SLC4A4: variants seen among roughly 807,000 people sequenced by gnomAD.
SLC4A4 encodes electrogenic sodium bicarbonate cotransporter 1.
In SLC4A4, 27 loss-of-function variants were observed where a neutral mutation model predicts 111.5. That is an observed-to-expected ratio of 0.24 (90% CI 0.18 to 0.33). The LOEUF (loss-of-function observed/expected upper bound fraction) is 0.33. Among genes scored for constraint, SLC4A4 ranks in the 10% least tolerant of loss-of-function variants. The probability of loss-of-function intolerance (pLI) is 1.00; values close to 1 mark genes in which losing one functional copy is unlikely to be tolerated. For synonymous variants in SLC4A4, 443 were observed against 463.4 expected, an observed-to-expected ratio of 0.96 and a Z score of 0.57; for missense variants, 909 against 1,315.5, an observed-to-expected ratio of 0.69 and a Z score of 4.78.
intron 19 of SLC4A4, 84 bp downstream of exon 19, chr4:71,546,612 G>T: frequency 8.9e-7 from 1 of 1,126,424 alleles, no homozygotes; most frequent in Non-Finnish European, 1.3e-6. Flanking sequence ...GGGCAGATTT[G>T]GAGGAGACAG....
At chr4:71,458,230 A>G (rs1057386583) in intron 12 of SLC4A4, among the ~76,000 whole-genome samples, 10 of 152,086 alleles carry the variant, frequency 6.6e-5, no homozygotes, top group African/African-American at 2.2e-4. Flanking sequence ...TACTGTCTGA[A>G]TGGAACCTAT....
chr4:71,282,573 C>T (rs1250104047), intron 3 of SLC4A4, among the ~76,000 whole-genome samples: 1 of 151,694 alleles, frequency 6.6e-6, no homozygotes, highest in Non-Finnish European at 1.5e-5. Flanking sequence ...GCATGAGCCA[C>T]GGCACCCAGC....
intron 1 of SLC4A4, among the ~76,000 whole-genome samples, chr4:71,200,946 T>C (rs914933990): frequency 6.6e-6 from 1 of 152,214 alleles, no homozygotes; most frequent in Non-Finnish European, 1.5e-5. Flanking sequence ...CTCAATAGGC[T>C]GTTGAGGTCG....
intron 1 of SLC4A4, among the ~76,000 whole-genome samples, chr4:71,089,790 G>A (rs1578468783): frequency 2.0e-5 from 3 of 152,002 alleles, no homozygotes; most frequent in Non-Finnish European, 4.4e-5. Flanking sequence ...GGCCATGTGA[G>A]GTGTCAGTCT....
chr4:71,280,587 A>G (rs1254141277), intron 3 of SLC4A4, among the ~76,000 whole-genome samples: 1 of 152,088 alleles, frequency 6.6e-6, no homozygotes, highest in African/African-American at 2.4e-5. Flanking sequence ...TAGGGGTCCA[A>G]TTTCATTCTT....
At chr4:71,209,130 A>T (rs536546584) in intron 1 of SLC4A4, among the ~76,000 whole-genome samples, 13 of 152,342 alleles carry the variant, frequency 8.5e-5, no homozygotes, top group African/African-American at 3.1e-4. Context: ...AAGTTACTTT[A>T]TATGACAAGG....
At chr4:71,484,757 A>AT (rs1350675137) in intron 14 of SLC4A4, among the ~76,000 whole-genome samples, 2 of 151,952 alleles carry the variant, frequency 1.3e-5, no homozygotes, top group African/African-American at 4.8e-5. Flanking sequence ...CATTATGGCC[A>AT]TTTTAACAAT....
intron 17 of SLC4A4, among the ~76,000 whole-genome samples, chr4:71,532,561 G>A (rs1029071486): frequency 2.0e-5 from 3 of 151,874 alleles, no homozygotes; most frequent in African/African-American, 7.2e-5. Flanking sequence ...GCTGGAGTGT[G>A]GTGGTGCAAT....
chr4:71,561,580 G>A (rs1009428383), intron 23 of SLC4A4, among the ~76,000 whole-genome samples: 4 of 151,760 alleles, frequency 2.6e-5, no homozygotes, highest in Non-Finnish European at 5.9e-5. Flanking sequence ...CTTAATGCAT[G>A]AGGCACATTT....
intron 1 of SLC4A4, among the ~76,000 whole-genome samples, chr4:71,194,923 C>A (rs926861997): frequency 1.3e-5 from 2 of 152,118 alleles, no homozygotes; most frequent in Admixed American, 6.5e-5. Flanking sequence ...ACAACATACA[C>A]CTTATATACA....
In SLC4A4 at chr4:71,180,180, C is replaced by T. The variant is rs868841085; in HGVS notation, c.-1-56396C>T. Among the ~76,000 whole-genome samples, 22 of 152,292 alleles carry T rather than the reference C, an allele frequency of 1.4e-4. No individual in the cohort carries two copies. The East Asian group carries it at 1.9e-3, about 13-fold the overall frequency. Reference sequence around the variant, plus strand: ...AAGCTGAAACAGGATCCCTTCCTTACACCTTATACAAAAATTAATTCAAGA... The same window carrying T: ...AAGCTGAAACAGGATCCCTTCCTTATACCTTATACAAAAATTAATTCAAGA... On this transcript the variant is annotated intron_variant, in intron 2 of 26. Coordinates refer to the SLC4A4 transcript ENST00000649996.
intron 16 of SLC4A4, among the ~76,000 whole-genome samples, chr4:71,528,403 T>C (rs1733602063): frequency 6.6e-6 from 1 of 152,148 alleles, no homozygotes; most frequent in African/African-American, 2.4e-5. Flanking sequence ...GATTTGACAA[T>C]TTTATATTCT....
chr4:71,287,902 T>C (rs1392867427), intron 3 of SLC4A4, among the ~76,000 whole-genome samples: 1 of 152,222 alleles, frequency 6.6e-6, no homozygotes, highest in Non-Finnish European at 1.5e-5. Context: ...TATCTTTTTT[T>C]TTAATCCCAA....
chr4:71,164,490 T>A (rs1744690154), intron 2 of SLC4A4, among the ~76,000 whole-genome samples: 1 of 151,856 alleles, frequency 6.6e-6, no homozygotes, highest in African/African-American at 2.4e-5. Flanking sequence ...AGCTGGAACA[T>A]TCTAAGGCTT....
intron 7 of SLC4A4, chr4:71,436,984 T>C (rs1724218591): frequency 2.8e-6 from 1 of 352,698 alleles, no homozygotes; most frequent in Admixed American, 4.3e-5. Flanking sequence ...AAAAAAAAGA[T>C]TCTTCAAAAT....
chr4:71,492,313 G>A (rs1192402077), intron 15 of SLC4A4, among the ~76,000 whole-genome samples: 1 of 151,772 alleles, frequency 6.6e-6, no homozygotes, highest in East Asian at 1.9e-4. Context: ...TTCCTTTAGG[G>A]AGGATACTGT....
chr4:71,167,746 C>T (rs1473961051), intron 2 of SLC4A4, among the ~76,000 whole-genome samples: 5 of 152,152 alleles, frequency 3.3e-5, no homozygotes, highest in Non-Finnish European at 7.4e-5. Context: ...CACTGTTGGT[C>T]TTCAAGTTTC....
chr4:71,516,625 T>C (rs1231204023), intron 16 of SLC4A4, among the ~76,000 whole-genome samples: 2 of 152,134 alleles, frequency 1.3e-5, no homozygotes, highest in Non-Finnish European at 2.9e-5. Context: ...GGAGCTCTTC[T>C]GTATTTCAGA....
intron 9 of SLC4A4, among the ~76,000 whole-genome samples, chr4:71,448,336 AAAG>A (rs1357312657): frequency 1.3e-5 from 2 of 151,994 alleles, no homozygotes; most frequent in African/African-American, 4.8e-5. Flanking sequence ...AAAAAAAAAA[AAAG>A]GTTCAAGGTC....
Sources: allele counts gnomAD v4.1 joint callset (sites outside exome capture counted in the v4.1 genomes callset), GRCh38; gene constraint gnomAD v4.1.1; transcripts MANE v1.5; gene names NCBI Gene and HGNC (gene_info 2026-07-23, HGNC 2026-07-21).